Variants in SLC44A2 observed in about 807,000 individuals in gnomAD.
The protein encoded by SLC44A2 is choline transporter-like protein 2.
SLC44A2 carries 57 observed loss-of-function variants against 90.8 expected under a neutral mutation model. The observed-to-expected ratio is 0.63, with a 90% CI of 0.51 to 0.78. The LOEUF (loss-of-function observed/expected upper bound fraction) is 0.78. SLC44A2 is among the 30% of genes least tolerant of loss of function. The pLI is 0.00. For missense variants in SLC44A2, 794 were observed against 919.7 expected, an observed-to-expected ratio of 0.86 and a Z score of 1.77; for synonymous variants, 355 against 360.7, an observed-to-expected ratio of 0.98 and a Z score of 0.18.
chr19:10,643,024 G>T (rs2067135222), intron 21 of SLC44A2: 1 of 1,534,940 alleles, frequency 6.5e-7, no homozygotes, highest in African/African-American at 1.4e-5. Context: ...AGTAGAGAGT[G>T]AGGGAGACTG....
rs1367379540 is a variant in SLC44A2, at chr19:10,637,631, C to T, written c.1592-13C>T. ...TGTCCCCTCACTTCCACATCCCTTC[C>T]CTTCTCTTCCAGCTGCAGAGAACAA... is the stretch of plus-strand genomic sequence containing the variant. On this transcript the variant is annotated splice_polypyrimidine_tract_variant and intron_variant, in intron 16 of 21. Transcript: ENST00000335757. 7 of 1,611,128 alleles carry T rather than the reference C, an allele frequency of 4.3e-6. No individual in the cohort carries two copies. The highest frequency in any genetic ancestry group is 5.9e-6 in the Non-Finnish European group (7 of 1,177,570).
rs1178194351 is a variant in SLC44A2, at chr19:10,631,591, T to C, written c.503-35T>C. On this transcript the variant is annotated intron_variant, in intron 7 of 21. Transcript: ENST00000335757. ...GGTGACGGGGAGGCTCTGCAGAGGC[T>C]CAGCCTGACTGGTGCCATCCTCTGC... 2.5e-6 allele frequency: 4 copies of C among 1,614,002 alleles called. No individual in the cohort carries two copies. In the East Asian group the frequency reaches 8.9e-5, roughly 36 times the overall value.
At chr19:10,602,908 A>G (rs1291762490) in intron 1 of SLC44A2, among the ~76,000 whole-genome samples, 1 of 152,010 alleles carries the variant, frequency 6.6e-6, no homozygotes, top group East Asian at 1.9e-4. Flanking sequence ...GACCTCCTCA[A>G]ATCCCCCTCC....
At chr19:10,605,736 G>A (rs1918082926) in intron 1 of SLC44A2, among the ~76,000 whole-genome samples, 1 of 151,698 alleles carries the variant, frequency 6.6e-6, no homozygotes, top group South Asian at 2.1e-4. Context: ...GTTCACACCT[G>A]TAATCCCAGC....
At chr19:10,640,593 G>C (rs568356298) in intron 20 of SLC44A2, among the ~76,000 whole-genome samples, 8 of 152,242 alleles carry the variant, frequency 5.3e-5, no homozygotes, top group African/African-American at 1.7e-4. Context: ...CGCCCAGCCA[G>C]GTCCACTGAC....
chr19:10,635,089 G>T lies in SLC44A2; in HGVS notation c.1055+16G>T. On this transcript the variant is annotated intron_variant, in intron 12 of 21. Transcript: ENST00000335757. ...AAGCCAGCAGGTGGGGGGCCAGGGT[G>T]CCAGGGGCCAGGATGGAGCTGTCCC... 1 of 1,613,908 alleles carries T rather than the reference G, an allele frequency of 6.2e-7. No homozygotes were observed. The highest frequency in any genetic ancestry group is 1.1e-5 in the South Asian group (1 of 91,080).
intron 20 of SLC44A2, among the ~76,000 whole-genome samples, chr19:10,642,024 G>A (rs1158815231): frequency 6.6e-6 from 1 of 151,926 alleles, no homozygotes; most frequent in African/African-American, 2.4e-5. Flanking sequence ...GCCAGGCGTG[G>A]TGGCACGTGC....
intron 2 of SLC44A2, among the ~76,000 whole-genome samples, chr19:10,626,580 A>ATTT (rs34527261): frequency 4.3e-5 from 6 of 138,342 alleles, no homozygotes; most frequent in Non-Finnish European, 7.7e-5. Flanking sequence ...CACCTGGCTA[A>ATTT]TTTTTTTTTT....
At chr19:10,628,937 G>C (rs2066963759) in intron 4 of SLC44A2, among the ~76,000 whole-genome samples, 1 of 151,962 alleles carries the variant, frequency 6.6e-6, no homozygotes. Flanking sequence ...ACCTGGCATC[G>C]CTGGGCGTGG....
At chr19:10,615,746 A>G (rs1217098335) in intron 1 of SLC44A2, among the ~76,000 whole-genome samples, 1 of 152,160 alleles carries the variant, frequency 6.6e-6, no homozygotes, top group Non-Finnish European at 1.5e-5. Context: ...CCAAACATTG[A>G]CTTGGGAGCT....
At chr19:10,629,916 G>A (rs1325473810) in intron 4 of SLC44A2, among the ~76,000 whole-genome samples, 1 of 151,814 alleles carries the variant, frequency 6.6e-6, no homozygotes, top group African/African-American at 2.4e-5. Context: ...ACCACACCCA[G>A]CTAATTTTTT....
chr19:10,604,487 T>C (rs1918044838), intron 1 of SLC44A2, among the ~76,000 whole-genome samples: 1 of 152,168 alleles, frequency 6.6e-6, no homozygotes, highest in Non-Finnish European at 1.5e-5. Flanking sequence ...ACGTCCCTGA[T>C]AGATGAAGGG....
rs144740614 is a variant in SLC44A2, at chr19:10,615,871, T to C, written c.32-10382T>C. Among the ~76,000 whole-genome samples, 972 of 151,660 alleles carry C rather than the reference T, an allele frequency of 6.4e-3. 11 individuals are homozygous for C. Among genetic ancestry groups the C allele is most frequent in the African/African-American group, 0.022 (912 of 41,346 alleles). On this transcript the variant is annotated intron_variant, in intron 1 of 21. Coordinates refer to the SLC44A2 transcript ENST00000407327. The stretch of plus-strand genomic sequence containing the variant: ...ATAATGATAGGAGGTGCTGTAAAGA[T>C]GAAATGAGGCGGGCTGGACATGGTG...
At chr19:10,604,636 C>T (rs1274326659) in intron 1 of SLC44A2, among the ~76,000 whole-genome samples, 2 of 152,060 alleles carry the variant, frequency 1.3e-5, no homozygotes, top group Non-Finnish European at 2.9e-5. Flanking sequence ...ACTTAGGAGC[C>T]GTGTGGCCCT....
chr19:10,642,278 G>T, intron 20 of SLC44A2, 89 bp from the exon 21 acceptor site: 1 of 1,069,314 alleles, frequency 9.4e-7, no homozygotes, highest in Non-Finnish European at 1.4e-6. Flanking sequence ...GCAGGGGAAG[G>T]ATGTGGTCCC....
Position 10,625,564 on chromosome 19 carries a change from C to A in SLC44A2, c.-70C>A. 8.1e-7 allele frequency: 1 copy of A among 1,233,708 alleles called. No individual in the cohort carries two copies. Among genetic ancestry groups the A allele is most frequent in the South Asian group, 4.1e-5 (1 of 24,650 alleles). 76.4% of individuals were successfully genotyped at this position (1,233,708 alleles called of 1,614,324 possible). ...CCAGTCGCGCGGTCAGTGCCTCCCT[C>A]CAGACTCGGGAGGGTCGAGGGGGCG... On this transcript the variant is annotated 5_prime_UTR_variant, in exon 1 of 22. Transcript: ENST00000335757.
intron 1 of SLC44A2, 79 bp downstream of exon 1, chr19:10,625,749 A>G: frequency 8.6e-7 from 1 of 1,162,090 alleles, no homozygotes. Flanking sequence ...CATGGGGCGC[A>G]GGGAAGGGGG....
At chr19:10,604,309 T>C (rs1262563017) in intron 1 of SLC44A2, among the ~76,000 whole-genome samples, 1 of 152,200 alleles carries the variant, frequency 6.6e-6, no homozygotes, top group Admixed American at 6.6e-5. Flanking sequence ...GGGAAGTGTG[T>C]TTCACACAGA....
chr19:10,629,732 AC>A lies in SLC44A2; in HGVS notation c.246-1322del, dbSNP rs147694754. Among the ~76,000 whole-genome samples, 400 of 149,882 alleles carry A rather than the reference AC, an allele frequency of 2.7e-3. 3 individuals carry two copies. The highest frequency in any genetic ancestry group is 8.7e-3 in the African/African-American group (357 of 40,860). The stretch of plus-strand genomic sequence containing the variant: ...TGCTGGCACAAGACAGGCCTGAGCC[AC>A]CCTGCCTGGCCCTATATAAGATATC... On this transcript the variant is annotated intron_variant, in intron 4 of 21. Transcript: ENST00000335757.
Sources: gnomAD v4.1 joint callset for allele counts (sites outside exome capture counted in the v4.1 genomes callset) on GRCh38, gnomAD v4.1.1 for gene constraint, MANE v1.5 for transcripts, NCBI Gene and HGNC (gene_info 2026-07-23, HGNC 2026-07-21) for gene names.